The following KIF14 variants were observed in gnomAD, a reference collection of about 807,000 sequenced individuals.
The protein encoded by KIF14 is kinesin-like protein KIF14.
In KIF14, 98 loss-of-function variants were observed where a neutral mutation model predicts 176.2. The ratio of observed to expected loss-of-function variants is 0.56; its 90% CI spans 0.47 to 0.66. The LOEUF is 0.66. Among genes scored for constraint, KIF14 ranks in the 30% least tolerant of loss-of-function variants. KIF14 has a pLI of 0.00. For missense variants in KIF14, 1,751 were observed against 1,920.4 expected, an observed-to-expected ratio of 0.91 and a Z score of 1.65; for synonymous variants, 566 against 632.2, an observed-to-expected ratio of 0.90 and a Z score of 1.57.
chr1:200,600,461 T>C lies in KIF14; in HGVS notation c.2195A>G (p.Asn732Ser), dbSNP rs1659570896. 3.1e-6 allele frequency: 5 copies of C among 1,613,744 alleles called. No homozygotes were observed. The highest frequency in any genetic ancestry group is 4.2e-6 in the Non-Finnish European group (5 of 1,179,786). ...EIAKLKAAQR[N>S]SRNIDPERYR... ...TCGTTCAGGGTCAATATTCCGACTGTTTCTCTGAGCAGCTTTTAGCTTTGC... is the reference window on the plus strand; with the variant it reads ...TCGTTCAGGGTCAATATTCCGACTGCTTCTCTGAGCAGCTTTTAGCTTTGC... Residue 732 changes from asparagine to serine, a missense_variant, in exon 12 of 30, where the codon AAC becomes AGC. Physicochemically the swap from Asn to Ser is conservative, Grantham distance 46 (BLOSUM62 1). Coordinates refer to ENST00000367350, the MANE Select transcript of KIF14 (RefSeq NM_014875.3).
chr1:200,578,337 CTAAGTTTTTCCA>C (rs1444702801), intron 21 of KIF14, among the ~76,000 whole-genome samples: 1 of 152,104 alleles, frequency 6.6e-6, no homozygotes, highest in Non-Finnish European at 1.5e-5. Context: ...GCAGCATCCT[CTAAGTTTTTCCA>C]TATGATACCT....
Position 200,553,641 on chromosome 1 carries a change from T to C in KIF14, c.4694A>G (p.His1565Arg). 2 of 1,614,124 alleles carry C rather than the reference T, an allele frequency of 1.2e-6. No homozygotes were observed. Among genetic ancestry groups the C allele is most frequent in the Non-Finnish European group, 1.7e-6 (2 of 1,180,010 alleles). ...AGATTCTAGTTCCTGGTGGACAATG[T>C]GAGTTACTCTACTCTCATAGCTGCC... Reference protein sequence around the residue: ...SVGSYESRVTHIVHQELESLA... With the variant: ...SVGSYESRVTRIVHQELESLA... Residue 1565 changes from histidine to arginine, a missense_variant, in exon 30 of 30, where the codon CAC (histidine) becomes CGC (arginine). Transcript: ENST00000367350.
intron 18 of KIF14, among the ~76,000 whole-genome samples, chr1:200,586,614 T>C (rs1658751192): frequency 6.7e-6 from 1 of 150,338 alleles, no homozygotes. Context: ...TTCCCATTGA[T>C]AGAAGTTAAA....
chr1:200,611,847 C>T (rs1660170559), intron 4 of KIF14, among the ~76,000 whole-genome samples: 1 of 152,192 alleles, frequency 6.6e-6, no homozygotes, highest in Admixed American at 6.5e-5. Flanking sequence ...TTAATGCTCA[C>T]AACAAACCTA....
chr1:200,556,795 G>A (rs1180606000), intron 27 of KIF14, among the ~76,000 whole-genome samples: 1 of 152,194 alleles, frequency 6.6e-6, no homozygotes, highest in Non-Finnish European at 1.5e-5. Flanking sequence ...AAGTGTTTTA[G>A]TGATAAATGG....
intron 11 of KIF14, among the ~76,000 whole-genome samples, 163 bp downstream of exon 11, chr1:200,601,730 CCTT>C (rs1659636399): frequency 1.3e-5 from 2 of 152,118 alleles, no homozygotes; most frequent in Admixed American, 6.6e-5. Flanking sequence ...TATTATCTGT[CCTT>C]CTACCTATCA....
intron 28 of KIF14, 42 bp downstream of exon 28, chr1:200,555,337 TA>T: frequency 7.8e-7 from 1 of 1,276,562 alleles, no homozygotes; most frequent in African/African-American, 1.5e-5. Context: ...AGTGAAATGA[TA>T]AAAAATAAGC....
chr1:200,586,358 T>G (rs1446009110), intron 18 of KIF14, 131 bp from the exon 19 acceptor site: 3 of 605,550 alleles, frequency 5.0e-6, no homozygotes, highest in Non-Finnish European at 8.0e-6. Context: ...ATATACCCCA[T>G]AACATTGTAT....
intron 27 of KIF14, among the ~76,000 whole-genome samples, chr1:200,557,290 C>T (rs1024252667): frequency 6.6e-6 from 1 of 152,182 alleles, no homozygotes; most frequent in African/African-American, 2.4e-5. Flanking sequence ...GCATGAGCCA[C>T]CGCGCCCAGC....
rs752766940 is a variant in KIF14 at position 200,606,747 on chromosome 1, T to C, written c.1606A>G (p.Met536Val). The C allele has an allele frequency of 9.3e-6, 15 of 1,613,342 alleles. No individual in the cohort carries two copies. The highest frequency in any genetic ancestry group is 3.3e-5 in the South Asian group (3 of 91,070). ...VYGPYVEALS[M>V]NIVSSYADIQ... Reference sequence around the variant, plus strand: ...GCCCTTGCTGAGCCAAATACTTACATTGACAGTGCTTCAACATATGGTCCA... The same window carrying C: ...GCCCTTGCTGAGCCAAATACTTACACTGACAGTGCTTCAACATATGGTCCA... Residue 536 changes from methionine to valine, a missense_variant and splice_region_variant, in exon 6 of 30, where the codon ATG (methionine) becomes GTG (valine). Transcript: ENST00000367350.
At chr1:200,572,022 T>C (rs1450309364) in intron 22 of KIF14, among the ~76,000 whole-genome samples, 1 of 152,208 alleles carries the variant, frequency 6.6e-6, no homozygotes. Flanking sequence ...CCAGTAGAAG[T>C]TCTATAATTA....
At chr1:200,581,976 C>T (rs1043181819) in intron 19 of KIF14, among the ~76,000 whole-genome samples, 1 of 151,768 alleles carries the variant, frequency 6.6e-6, no homozygotes, top group South Asian at 2.1e-4. Context: ...TGCCATGTTG[C>T]TCAGGCTGGT....
At chr1:200,581,760 CCTT>C (rs537046167) in intron 19 of KIF14, among the ~76,000 whole-genome samples, 28 of 102,434 alleles carry the variant, frequency 2.7e-4, no homozygotes, top group African/African-American at 7.9e-4. Context: ...ATTTCACTTT[CCTT>C]TTTTTTTTTT....
In KIF14 at chr1:200,560,874, A is replaced by G. The variant is rs534307567; in HGVS notation, c.4078T>C (p.Cys1360Arg). The change falls in exon 26 of 30, where the codon TGT becomes CGT. Residue 1360 changes from cysteine (C) to arginine (R), a missense_variant. Coordinates refer to ENST00000367350, the MANE Select transcript of KIF14 (RefSeq NM_014875.3). ...TTTATCATTGATGAAATATCCAAAC[A>G]GCATCCCTGTAAGATAAAAATGGAC... The part of the protein sequence containing the change: ...GYLQLFLQGC[C>R]LDISSMIKEA... 6 of 1,613,216 alleles carry G rather than the reference A, an allele frequency of 3.7e-6. No individual in the cohort carries two copies. Among genetic ancestry groups the G allele is most frequent in the Non-Finnish European group, 5.1e-6 (6 of 1,179,128 alleles).
intron 5 of KIF14, among the ~76,000 whole-genome samples, chr1:200,608,076 T>A (rs529492372): frequency 2.6e-4 from 40 of 152,232 alleles, no homozygotes; most frequent in Non-Finnish European, 5.1e-4. Context: ...TAGCAGTTTT[T>A]AAAAAAGATT....
chr1:200,573,350 T>C (rs185453618), intron 22 of KIF14, among the ~76,000 whole-genome samples: 38 of 151,982 alleles, frequency 2.5e-4, no homozygotes, highest in Admixed American at 1.0e-3. Flanking sequence ...GATGCTGATA[T>C]CAGACTTTGT....
At chr1:200,602,320 G>GT (rs2102732523) in intron 10 of KIF14, among the ~76,000 whole-genome samples, 1 of 152,302 alleles carries the variant, frequency 6.6e-6, no homozygotes, top group South Asian at 2.1e-4. Context: ...GGATCATCAA[G>GT]TATTTCATGA....
chr1:200,610,148 G>A lies in KIF14; in HGVS notation c.1456-1220C>T, dbSNP rs550015263. Among the ~76,000 whole-genome samples the A allele has an allele frequency of 6.6e-5, 10 of 152,210 alleles. No homozygotes were observed. The South Asian group carries it at 2.1e-3, about 32-fold the overall frequency. ...GTTGTACATTATAAATGTACTGAATGCCACTGAATTATATACTTTAAAGTG... is the reference window on the plus strand; with the variant it reads ...GTTGTACATTATAAATGTACTGAATACCACTGAATTATATACTTTAAAGTG... On this transcript the variant is annotated intron_variant, in intron 4 of 29. Coordinates refer to ENST00000367350, the MANE Select transcript of KIF14 (RefSeq NM_014875.3).
At chr1:200,585,038 A>G (rs1658660436) in intron 19 of KIF14, among the ~76,000 whole-genome samples, 1 of 152,214 alleles carries the variant, frequency 6.6e-6, no homozygotes, top group East Asian at 1.9e-4. Context: ...AAAATGTTAA[A>G]CTCATAGGCA....
Sources: allele counts gnomAD v4.1 joint callset (sites outside exome capture counted in the v4.1 genomes callset), GRCh38; gene constraint gnomAD v4.1.1; transcripts MANE v1.5; gene names NCBI Gene and HGNC (gene_info 2026-07-23, HGNC 2026-07-21).